Variants in CARHSP1 observed in about 807,000 individuals in gnomAD.
CARHSP1 encodes the protein calcium-regulated heat-stable protein 1.
Under a neutral mutation model 12.5 loss-of-function variants are expected in CARHSP1, and 14 were observed. That is an observed-to-expected ratio of 1.12 (90% CI 0.74 to 1.75). CARHSP1 has a LOEUF of 1.75. Among genes scored for constraint, CARHSP1 ranks in the 40% most tolerant of loss-of-function variants. CARHSP1 has a pLI of 0.00. For synonymous variants in CARHSP1, 161 were observed against 82.0 expected (o/e 1.96, Z -5.20); for missense variants, 343 against 201.6 (o/e 1.70, Z -4.25).
At position 8,865,379 on chromosome 16, in the gene CARHSP1, G is replaced by A. The variant is rs112849183; in HGVS notation, c.-8+3587C>T. Among the ~76,000 whole-genome samples, 145 of 152,258 alleles carry A rather than the reference G, an allele frequency of 9.5e-4. 1 individual carries two copies. The highest frequency in any genetic ancestry group is 3.3e-3 in the African/African-American group (139 of 41,546). ...CCCGCTTCAGCCTCCCAAAGTCCTC[G>A]GATTACAGGCATGAGCCACCGTGCC... On this transcript the variant is annotated intron_variant, in intron 1 of 3. Coordinates refer to ENST00000311052, the MANE Select transcript of CARHSP1 (RefSeq NM_014316.4).
Position 8,860,299 on chromosome 16 carries a change from G to C in CARHSP1, c.-7-964C>G, listed in dbSNP as rs144078629. 8 of 983,778 alleles carry C rather than the reference G, an allele frequency of 8.1e-6. No individual in the cohort carries two copies. In the South Asian group the frequency reaches 1.9e-4, roughly 23 times the overall value. 60.9% of individuals were successfully genotyped at this position (983,778 alleles called of 1,614,324 possible). A position where few individuals can be genotyped will look rare whatever the true frequency, so the allele number is the denominator to read the frequency against. ...GGCCCAGTGAATTTCCACACAGCCCGGGTCACCACGCTGTTATGAAATCAA... is the reference window on the plus strand; with the variant it reads ...GGCCCAGTGAATTTCCACACAGCCCCGGTCACCACGCTGTTATGAAATCAA... On this transcript the variant is annotated intron_variant, in intron 1 of 3. Transcript: ENST00000311052.
At position 8,855,200 on chromosome 16, in the gene CARHSP1, C is replaced by T; in HGVS notation, c.408G>A (p.Lys136=). 1 of 1,612,298 alleles carries T rather than the reference C, an allele frequency of 6.2e-7. No individual in the cohort carries two copies. The highest frequency in any genetic ancestry group is 1.1e-5 in the South Asian group (1 of 90,848). The change falls in exon 4 of 4, where the codon AAG becomes AAA. Residue 136 remains lysine, a synonymous_variant. Coordinates refer to ENST00000311052, the MANE Select transcript of CARHSP1 (RefSeq NM_014316.4). ...TGACATGTCCAGACCAGGTCTCATG[C>T]TTGGTGCCTGGTGCCAGGTGAGTGA... is the stretch of plus-strand genomic sequence containing the variant. ...VVITHLAPGT[K]HETWSGHVIS... is the part of the protein sequence containing the mutation.
chr16:8,858,075 TACAC>T (rs1220016605), intron 3 of CARHSP1: 4 of 458,956 alleles, frequency 8.7e-6, no homozygotes, highest in Admixed American at 3.7e-5. Context: ...CACAAAACCT[TACAC>T]ACCCATTCAC....
rs536382482 is a variant in CARHSP1, at chr16:8,858,931, C to G, written c.158+240G>C. On this transcript the variant is annotated intron_variant, in intron 2 of 3. Coordinates refer to ENST00000311052, the MANE Select transcript of CARHSP1 (RefSeq NM_014316.4). Reference sequence around the variant, plus strand: ...TGTGGTTAAAGCCCAGCGATTCTGACCCCAGCAACTGCCCACCCATTGCCA... The same window carrying G: ...TGTGGTTAAAGCCCAGCGATTCTGAGCCCAGCAACTGCCCACCCATTGCCA... 15 of 465,752 alleles carry G rather than the reference C, an allele frequency of 3.2e-5. 1 individual carries two copies. Among genetic ancestry groups the G allele is most frequent in the African/African-American group, 2.9e-4 (15 of 51,426 alleles). 28.9% of individuals were successfully genotyped at this position (465,752 alleles called of 1,614,324 possible).
chr16:8,864,678 C>T (rs1254174558), intron 1 of CARHSP1, among the ~76,000 whole-genome samples: 1 of 152,198 alleles, frequency 6.6e-6, no homozygotes, highest in South Asian at 2.1e-4. Flanking sequence ...ACCCCCTTCC[C>T]CAGTCAGCCC....
rs545395980 is a variant in CARHSP1, at chr16:8,854,305, G to A, written c.*859C>T. On this transcript the variant is annotated 3_prime_UTR_variant, in exon 4 of 4. Transcript: ENST00000311052. ...CTACCTACTCTTTTCTGGATGGATC[G>A]GGACAAAGTTTTTAAACAAAGACTG... is the stretch of plus-strand genomic sequence containing the variant. 1.3e-4 allele frequency: 20 copies of A among 152,210 alleles called. No individual in the cohort carries two copies. Among genetic ancestry groups the A allele is most frequent in the Non-Finnish European group, 1.8e-4 (12 of 68,034 alleles). 9.4% of individuals were successfully genotyped at this position (152,210 alleles called of 1,614,324 possible). A position where few individuals can be genotyped will look rare whatever the true frequency, so the allele number is the denominator to read the frequency against.
At chr16:8,865,101 G>A (rs1458804407) in intron 1 of CARHSP1, among the ~76,000 whole-genome samples, 1 of 152,180 alleles carries the variant, frequency 6.6e-6, no homozygotes. Context: ...CTCATTGAAG[G>A]AGACTCCATT....
chr16:8,858,747 C>T, intron 2 of CARHSP1: 4 of 480,762 alleles, frequency 8.3e-6, no homozygotes, highest in African/African-American at 1.9e-5. Context: ...AACATCCCTC[C>T]AGAAACTAAT....
At chr16:8,860,717 G>A (rs1351959744) in intron 1 of CARHSP1, among the ~76,000 whole-genome samples, 4 of 152,034 alleles carry the variant, frequency 2.6e-5, no homozygotes, top group Non-Finnish European at 4.4e-5. Context: ...AGCAGCCCTG[G>A]ATCGGTTTGA....
Position 8,855,015 on chromosome 16 carries a change from C to CA in CARHSP1, c.*148_*149insT. The CA allele has an allele frequency of 3.3e-6, 2 of 601,394 alleles. No individual in the cohort carries two copies. The highest frequency in any genetic ancestry group is 5.3e-6 in the Non-Finnish European group (2 of 375,856). 37.3% of individuals were successfully genotyped at this position (601,394 alleles called of 1,614,324 possible). ...AACACCCCACACCCCACACCTGCCC[C>CA]CCATACCCCTTCCTCCAGGAGATAC... On this transcript the variant is annotated 3_prime_UTR_variant, in exon 4 of 4. Coordinates refer to ENST00000311052, the MANE Select transcript of CARHSP1 (RefSeq NM_014316.4).
At chr16:8,860,595 T>G (rs1228844985) in intron 1 of CARHSP1, 1 of 842,040 alleles carries the variant, frequency 1.2e-6, no homozygotes, top group East Asian at 1.2e-4. Flanking sequence ...GGCAGCTGGG[T>G]GGGCATCACT....
rs1282150196 is a variant in CARHSP1, at chr16:8,859,329, G to C, written c.-1C>G. 6.3e-7 allele frequency: 1 copy of C among 1,599,422 alleles called. No individual in the cohort carries two copies. Among genetic ancestry groups the C allele is most frequent in the Admixed American group, 1.7e-5 (1 of 58,984 alleles). ...GTGGTGGGGGAGGCTCAGATGACAT[G>C]GCTGACCTGGAAAGAGAAGAGGCTG... On this transcript the variant is annotated 5_prime_UTR_variant, in exon 2 of 4. Transcript: ENST00000311052.
At chr16:8,860,364 C>T (rs2061313348) in intron 1 of CARHSP1, 1 of 985,448 alleles carries the variant, frequency 1.0e-6, no homozygotes, top group Non-Finnish European at 1.2e-6. Flanking sequence ...GTAAATCCAG[C>T]TGGAGGGCGG....
intron 1 of CARHSP1, among the ~76,000 whole-genome samples, chr16:8,862,019 A>ATTTTTTTTTTTTTTTTTTTTTTTTTT (rs1555457429): frequency 3.0e-4 from 22 of 72,518 alleles, no homozygotes; most frequent in South Asian, 4.9e-4. Context: ...TTTTTTTTTA[A>ATTTTTTTTTTTTTTTTTTTTTTTTTT]TTTGAGATGG....
chr16:8,855,566 G>A (rs2061074093), intron 3 of CARHSP1, among the ~76,000 whole-genome samples: 1 of 152,188 alleles, frequency 6.6e-6, no homozygotes, highest in Non-Finnish European at 1.5e-5. Context: ...TTTTGATGCT[G>A]GAACTGAAAG....
chr16:8,864,089 A>G (rs985004640), intron 1 of CARHSP1, among the ~76,000 whole-genome samples: 4 of 152,208 alleles, frequency 2.6e-5, no homozygotes, highest in Non-Finnish European at 5.9e-5. Flanking sequence ...TGTCACGACC[A>G]AGGTGTCATG....
At chr16:8,859,062 A>C (rs569586037) in intron 2 of CARHSP1, 109 bp downstream of exon 2, 1 of 1,069,974 alleles carries the variant, frequency 9.3e-7, no homozygotes, top group East Asian at 2.7e-5. Flanking sequence ...AGGTCTGCCT[A>C]TTTGGCAGTC....
intron 1 of CARHSP1, among the ~76,000 whole-genome samples, chr16:8,861,158 ATTTTTTTTTTTTTTTTTTTTTTTTTT>A (rs765114977): frequency 1.6e-4 from 8 of 51,268 alleles, no homozygotes; most frequent in East Asian, 6.9e-4. Context: ...TCCATGCCTA[ATTTTTTTTTTTTTTTTTTTTTTTTTT>A]TTTTTTTTTT....
intron 1 of CARHSP1, chr16:8,868,287 T>C (rs953362423): frequency 2.6e-5 from 4 of 152,042 alleles, no homozygotes; most frequent in East Asian, 3.9e-4. Flanking sequence ...GCTTCCTTTT[T>C]AAAAATCAAA....
Sources: allele counts gnomAD v4.1 joint callset (sites outside exome capture counted in the v4.1 genomes callset), GRCh38; gene constraint gnomAD v4.1.1; transcripts MANE v1.5; gene names NCBI Gene and HGNC (gene_info 2026-07-23, HGNC 2026-07-21).